Variants in CACNB2 observed in about 807,000 individuals in gnomAD.
CACNB2 encodes calcium voltage-gated channel auxiliary subunit beta 2, also known as voltage-dependent L-type calcium channel subunit beta-2.
In CACNB2, 42 loss-of-function variants were observed where a neutral mutation model predicts 73.3. The ratio of observed to expected loss-of-function variants is 0.57; its 90% confidence interval spans 0.45 to 0.74. The LOEUF is 0.74. Among genes scored for constraint, CACNB2 ranks in the 30% least tolerant of loss-of-function variants. CACNB2 has a pLI of 0.00. For synonymous variants in CACNB2, 348 were observed against 310.3 expected (o/e 1.12, Z -1.28); for missense variants, 940 against 853.0 (o/e 1.10, Z -1.27).
intron 2 of CACNB2, among the ~76,000 whole-genome samples, chr10:18,384,184 G>C (rs75054099): frequency 0.011 from 1,656 of 152,258 alleles, 32 homozygotes; most frequent in African/African-American, 0.038. Flanking sequence ...AGATCAATAG[G>C]ACCAGCATAT....
chr10:18,198,654 C>G (rs1166205497), intron 2 of CACNB2, among the ~76,000 whole-genome samples: 1 of 152,216 alleles, frequency 6.6e-6, no homozygotes, highest in East Asian at 1.9e-4. Context: ...TTCCAACCCT[C>G]TTGGAAAGTA....
intron 2 of CACNB2, among the ~76,000 whole-genome samples, chr10:18,198,694 A>G (rs1203174127): frequency 6.6e-6 from 1 of 152,018 alleles, no homozygotes; most frequent in African/African-American, 2.4e-5. Flanking sequence ...TTGGTTTTCT[A>G]CTCATGCTCT....
chr10:18,475,085 G>C (rs914764276), intron 3 of CACNB2, among the ~76,000 whole-genome samples: 2 of 150,426 alleles, frequency 1.3e-5, no homozygotes, highest in Non-Finnish European at 2.9e-5. Context: ...ATTATAAGAG[G>C]ATACAACTCA....
chr10:18,453,720 C>A (rs375484514), intron 3 of CACNB2, among the ~76,000 whole-genome samples: 1 of 152,184 alleles, frequency 6.6e-6, no homozygotes, highest in Admixed American at 6.5e-5. Flanking sequence ...ACCTCTGCCT[C>A]CCAGGTTCAA....
At chr10:18,326,026 G>C (rs1054736244) in intron 2 of CACNB2, among the ~76,000 whole-genome samples, 2 of 152,138 alleles carry the variant, frequency 1.3e-5, no homozygotes, top group Non-Finnish European at 2.9e-5. Context: ...ATGAGCCACT[G>C]TGCCTAGCTG....
chr10:18,313,490 AT>A (rs920441931), intron 2 of CACNB2, among the ~76,000 whole-genome samples: 1 of 151,736 alleles, frequency 6.6e-6, no homozygotes, highest in African/African-American at 2.4e-5. Context: ...ATTGCTGTGT[AT>A]TTTTTTAAAT....
At chr10:18,298,600 G>T (rs1026289604) in intron 2 of CACNB2, among the ~76,000 whole-genome samples, 8 of 152,208 alleles carry the variant, frequency 5.3e-5, no homozygotes, top group Non-Finnish European at 1.0e-4. Flanking sequence ...AGTTCCAAGA[G>T]ATCTGGGTCT....
At chr10:18,415,621 G>T (rs16917320) in intron 3 of CACNB2, among the ~76,000 whole-genome samples, 2,101 of 152,240 alleles carry the variant, frequency 0.014, 73 homozygotes, top group South Asian at 0.12. Flanking sequence ...ACCCTCTGGA[G>T]GCAGAGCCTA....
At chr10:18,196,411 G>C (rs1455015592) in intron 2 of CACNB2, among the ~76,000 whole-genome samples, 1 of 151,448 alleles carries the variant, frequency 6.6e-6, no homozygotes, top group Non-Finnish European at 1.5e-5. Flanking sequence ...CCACCTCCTG[G>C]ACTCAAGTGA....
intron 3 of CACNB2, among the ~76,000 whole-genome samples, chr10:18,456,667 C>T (rs1447877815): frequency 2.0e-5 from 3 of 152,088 alleles, no homozygotes; most frequent in Non-Finnish European, 4.4e-5. Flanking sequence ...TTCCTCCAGG[C>T]CTAGCAACCA....
chr10:18,260,651 A>G, intron 2 of CACNB2: 6 of 987,536 alleles, frequency 6.1e-6, no homozygotes, highest in Non-Finnish European at 7.2e-6. Flanking sequence ...GAGGAGGGAG[A>G]AGTAGCAAAT....
At chr10:18,292,940 A>G (rs899962098) in intron 2 of CACNB2, among the ~76,000 whole-genome samples, 1 of 152,188 alleles carries the variant, frequency 6.6e-6, no homozygotes, top group Non-Finnish European at 1.5e-5. Context: ...TTAGATCATC[A>G]TTATGGTTTT....
At chr10:18,422,989 C>T (rs1408099571) in intron 3 of CACNB2, among the ~76,000 whole-genome samples, 1 of 152,192 alleles carries the variant, frequency 6.6e-6, no homozygotes, top group Admixed American at 6.5e-5. Context: ...TGAGCCACTG[C>T]GCCTGGCCAA....
intron 2 of CACNB2, among the ~76,000 whole-genome samples, chr10:18,357,046 G>A (rs994690183): frequency 8.9e-4 from 130 of 146,846 alleles, no homozygotes; most frequent in Non-Finnish European, 1.6e-3. Context: ...CCGGGTTCAC[G>A]CCATTCTCCT....
At chr10:18,438,652 C>T (rs1021462973) in intron 3 of CACNB2, among the ~76,000 whole-genome samples, 3 of 152,252 alleles carry the variant, frequency 2.0e-5, no homozygotes, top group African/African-American at 7.2e-5. Context: ...TGGCTGGAAG[C>T]CTGTGCCCTC....
chr10:18,165,698 C>G (rs2032804696), intron 2 of CACNB2, among the ~76,000 whole-genome samples: 1 of 152,176 alleles, frequency 6.6e-6, no homozygotes, highest in African/African-American at 2.4e-5. Flanking sequence ...GTTTATACAT[C>G]TTTTGAAACA....
intron 3 of CACNB2, among the ~76,000 whole-genome samples, chr10:18,419,226 A>G (rs2045182409): frequency 6.6e-6 from 1 of 152,248 alleles, no homozygotes; most frequent in South Asian, 2.1e-4. Context: ...GAGTTTAAGT[A>G]GCCTGAGGAT....
chr10:18,371,952 A>G (rs2042602567), intron 2 of CACNB2, among the ~76,000 whole-genome samples: 1 of 152,246 alleles, frequency 6.6e-6, no homozygotes, highest in Non-Finnish European at 1.5e-5. Flanking sequence ...TCTGATGGCC[A>G]GTGATGATGA....
chr10:18,312,391 A>G (rs2039995256), intron 2 of CACNB2, among the ~76,000 whole-genome samples: 1 of 152,234 alleles, frequency 6.6e-6, no homozygotes, highest in African/African-American at 2.4e-5. Flanking sequence ...TCATTGAAAT[A>G]GCTCTGCTTT....
Sources: gnomAD v4.1 joint callset for allele counts (sites outside exome capture counted in the v4.1 genomes callset) on GRCh38, gnomAD v4.1.1 for gene constraint, MANE v1.5 for transcripts, NCBI Gene and HGNC (gene_info 2026-07-23, HGNC 2026-07-21) for gene names.